NRXN2: variants seen among roughly 807,000 people sequenced by gnomAD.
NRXN2 encodes the protein neurexin 2.
NRXN2 carries 29 observed loss-of-function variants against 128.8 expected under a neutral mutation model. That is an observed-to-expected ratio of 0.23 (90% CI 0.17 to 0.31). The LOEUF (loss-of-function observed/expected upper bound fraction) is 0.31, where lower values mean the gene tolerates loss of function less well. Among genes scored for constraint, NRXN2 ranks in the 10% least tolerant of loss-of-function variants. NRXN2 has a pLI of 1.00. For missense variants in NRXN2, 1,881 were observed against 2,452.6 expected, an observed-to-expected ratio of 0.77 and a Z score of 4.92; for synonymous variants, 1,098 against 1,075.2, an observed-to-expected ratio of 1.02 and a Z score of -0.41.
intron 6 of NRXN2, among the ~76,000 whole-genome samples, chr11:64,683,030 C>T (rs1215486773): frequency 1.3e-5 from 2 of 152,182 alleles, no homozygotes; most frequent in Non-Finnish European, 2.9e-5. Context: ...CCCATGGCTG[C>T]AGAAGCAAAG....
In NRXN2 at chr11:64,607,085, C is replaced by G. The variant is rs1388570560; in HGVS notation, c.*111G>C. ...TTGCGTTTCCTCTTCGTAAGAGAAGCCTGAGGCAGCCAGGGAGAGGGTCCC... is the reference window on the plus strand; with the variant it reads ...TTGCGTTTCCTCTTCGTAAGAGAAGGCTGAGGCAGCCAGGGAGAGGGTCCC... On this transcript the variant is annotated 3_prime_UTR_variant, in exon 23 of 23. Transcript: ENST00000265459. 5.9e-6 allele frequency: 7 copies of G among 1,190,330 alleles called. No homozygotes were observed. The highest frequency in any genetic ancestry group is 8.2e-6 in the Non-Finnish European group (7 of 852,104). The allele number at this position is 1,190,330 out of a possible 1,614,324, so 73.7% of individuals were successfully genotyped here. A position where few individuals can be genotyped will look rare whatever the true frequency, so the allele number is the denominator to read the frequency against.
chr11:64,692,200 C>T (rs986505493), intron 4 of NRXN2, among the ~76,000 whole-genome samples: 1 of 152,196 alleles, frequency 6.6e-6, no homozygotes, highest in African/African-American at 2.4e-5. Context: ...TGGTCCTCAA[C>T]GTCGTCATCT....
chr11:64,667,374 T>C lies in NRXN2; in HGVS notation c.1674A>G (p.Leu558=), dbSNP rs1229921956. The C allele has an allele frequency of 2.5e-6, 4 of 1,614,040 alleles. No individual in the cohort carries two copies. In the African/African-American group the frequency reaches 4.0e-5, roughly 16 times the overall value. ...GCAGAAGATAGAGGTGGCCGTCCAA[T>C]AGCTCCATGGCAAAGTAGTCGGCCC... ...AQRADYFAME[L]LDGHLYLLLD... Residue 558 remains leucine (L), a synonymous_variant, in exon 9 of 23, where the codon CTA becomes CTG. Transcript: ENST00000265459. This position sits in a 1 kb window ranked among gnomAD's most constrained non-coding sequence, Gnocchi z 5.6.
In NRXN2 at chr11:64,632,451, C is replaced by T. The variant is rs1024267030; in HGVS notation, c.3586-1878G>A. On this transcript the variant is annotated intron_variant, in intron 18 of 22. Transcript: ENST00000265459. This position sits in a 1 kb window ranked among gnomAD's most constrained non-coding sequence, Gnocchi z 4.2. Reference sequence around the variant, plus strand: ...GGAGACGGGCTGATCATCTGCTCCCCACACACGGGAAGGAACAGTCGATCC... The same window carrying T: ...GGAGACGGGCTGATCATCTGCTCCCTACACACGGGAAGGAACAGTCGATCC... Among the ~76,000 whole-genome samples, 1 of 152,214 alleles carries T rather than the reference C, an allele frequency of 6.6e-6. No homozygotes were observed. Among genetic ancestry groups the T allele is most frequent in the African/African-American group, 2.4e-5 (1 of 41,450 alleles).
rs368171440 is a variant in NRXN2, at chr11:64,665,372, C to G, written c.1798+1878G>C. 1.7e-4 allele frequency among the ~76,000 whole-genome samples: 26 copies of G among 152,276 alleles called. No homozygotes were observed. In the East Asian group the frequency reaches 4.8e-3, roughly 28 times the overall value. On this transcript the variant is annotated intron_variant, in intron 9 of 22. Transcript: ENST00000265459. Reference sequence around the variant, plus strand: ...AAAGACTGGCCACACCTGGTCCAGACTCTGGCTCCAGAGATCGGTGTTGAG... The same window carrying G: ...AAAGACTGGCCACACCTGGTCCAGAGTCTGGCTCCAGAGATCGGTGTTGAG...
intron 5 of NRXN2, chr11:64,688,602 C>T (rs532895220): frequency 1.2e-5 from 12 of 985,412 alleles, no homozygotes; most frequent in Non-Finnish European, 1.2e-5. Context: ...GCCGGTCTGG[C>T]GCGACTGGGA....
intron 7 of NRXN2, 149 bp downstream of exon 7, chr11:64,676,844 A>G: frequency 1.5e-6 from 1 of 673,890 alleles, no homozygotes; most frequent in East Asian, 2.7e-5. Context: ...AGAGAAGCAA[A>G]ATCTAAAGAT....
intron 22 of NRXN2, among the ~76,000 whole-genome samples, chr11:64,608,782 T>G (rs1395675539): frequency 6.6e-6 from 1 of 152,038 alleles, no homozygotes; most frequent in Non-Finnish European, 1.5e-5. Flanking sequence ...TCCCCCTCAT[T>G]CAACACAAAG....
chr11:64,687,294 T>A (rs1011723756), intron 5 of NRXN2, among the ~76,000 whole-genome samples: 2 of 152,174 alleles, frequency 1.3e-5, no homozygotes, highest in Admixed American at 6.5e-5. Flanking sequence ...TGCTATGTGT[T>A]GAGGCAGTGG....
chr11:64,661,889 G>A (rs2049079916), intron 9 of NRXN2, among the ~76,000 whole-genome samples: 1 of 152,176 alleles, frequency 6.6e-6, no homozygotes, highest in Non-Finnish European at 1.5e-5. Flanking sequence ...TCCAGGGCCT[G>A]CGGGGCAGGA....
chr11:64,693,339 G>A lies in NRXN2; in HGVS notation c.749-463C>T, dbSNP rs564490123. Among the ~76,000 whole-genome samples the A allele has an allele frequency of 6.7e-5, 10 of 150,352 alleles. No individual in the cohort carries two copies. The South Asian group carries it at 1.5e-3, about 22-fold the overall frequency. On this transcript the variant is annotated intron_variant, in intron 3 of 22. Coordinates refer to ENST00000265459, the MANE Select transcript of NRXN2 (RefSeq NM_015080.4). ...TCTTTTTTTTTTTCTTCCGGGAGGCGGAGAGAAAAAAAAACAGTCAACGAG... is the reference window on the plus strand; with the variant it reads ...TCTTTTTTTTTTTCTTCCGGGAGGCAGAGAGAAAAAAAAACAGTCAACGAG...
intron 22 of NRXN2, 132 bp from the exon 23 acceptor site, chr11:64,608,214 G>A (rs890484101): frequency 6.8e-6 from 5 of 731,156 alleles, no homozygotes; most frequent in African/African-American, 3.5e-5. Flanking sequence ...AGACTAGAGC[G>A]GGCTGGGCCC....
At position 64,712,741 on chromosome 11, in the gene NRXN2, A is replaced by G. The variant is rs1372179523; in HGVS notation, c.730+229T>C. On this transcript the variant is annotated intron_variant, in intron 2 of 22. Coordinates refer to ENST00000265459, the MANE Select transcript of NRXN2 (RefSeq NM_015080.4). ...CTGCCCACAGGTCGCCGCAGGACTC[A>G]CGCTGACCACGCCCAAGCCGGCCCC... The G allele has an allele frequency of 1.3e-5, 9 of 668,530 alleles. No individual in the cohort carries two copies. The East Asian group carries it at 2.4e-4, about 18-fold the overall frequency. The allele number at this position is 668,530 out of a possible 1,614,324, so 41.4% of individuals were successfully genotyped here.
chr11:64,655,940 T>A (rs2048211127), intron 11 of NRXN2: 1 of 152,182 alleles, frequency 6.6e-6, no homozygotes, highest in African/African-American at 2.4e-5. Context: ...CAGAAGTGAG[T>A]GGTCTTCGTG....
rs1238559916 is a variant in NRXN2, at chr11:64,713,120, T to C, written c.580A>G (p.Ser194Gly). 3 of 1,413,492 alleles carry C rather than the reference T, an allele frequency of 2.1e-6. No homozygotes were observed. The highest frequency in any genetic ancestry group is 2.9e-5 in the South Asian group (2 of 68,560). 87.6% of individuals were successfully genotyped at this position (1,413,492 alleles called of 1,614,324 possible). A position where few individuals can be genotyped will look rare whatever the true frequency, so the allele number is the denominator to read the frequency against. ...GCGGTGGCGCCGCGCAGGCCCTGGC[T>C]GCCCAGCAGCGCGGGGGGCCGCTCG... ...LGERPPALLG[S>G]QGLRGATADP... Residue 194 changes from serine (S) to glycine (G), a missense_variant, in exon 2 of 23, where the codon AGC (serine) becomes GGC (glycine). Transcript: ENST00000265459.
chr11:64,638,236 C>T (rs1339952761), intron 17 of NRXN2, among the ~76,000 whole-genome samples: 1 of 152,236 alleles, frequency 6.6e-6, no homozygotes. Context: ...CAGTTTATTA[C>T]GCTGGGCGGG....
chr11:64,624,209 C>T (rs999840332), intron 20 of NRXN2, among the ~76,000 whole-genome samples: 7 of 152,134 alleles, frequency 4.6e-5, no homozygotes, highest in Non-Finnish European at 1.0e-4. Flanking sequence ...TGCCTGTAAG[C>T]CTTGCCCCCA....
At chr11:64,656,883 C>T (rs1270870154) in intron 11 of NRXN2, among the ~76,000 whole-genome samples, 4 of 152,204 alleles carry the variant, frequency 2.6e-5, no homozygotes, top group Non-Finnish European at 5.9e-5. Flanking sequence ...TTAGGATCCT[C>T]TGCCTGGAAA....
intron 2 of NRXN2, chr11:64,712,601 A>C: frequency 5.1e-6 from 2 of 395,810 alleles, no homozygotes; most frequent in Admixed American, 2.9e-5. Flanking sequence ...GGCCCTGTCC[A>C]CGCAGACCCC....
Sources: gnomAD v4.1 joint callset for allele counts (sites outside exome capture counted in the v4.1 genomes callset) on GRCh38, gnomAD v4.1.1 for gene constraint, Gnocchi (gnomAD v3.1) non-coding constraint, MANE v1.5 for transcripts, NCBI Gene and HGNC (gene_info 2026-07-23, HGNC 2026-07-21) for gene names.